The following SAMD4A variants were observed in gnomAD, a reference collection of about 807,000 sequenced individuals.
The protein encoded by SAMD4A is protein Smaug homolog 1.
Under a neutral mutation model 81.3 loss-of-function variants are expected in SAMD4A, and 33 were observed. The observed-to-expected ratio is 0.41, with a 90% confidence interval of 0.31 to 0.54. SAMD4A has a LOEUF of 0.54. SAMD4A is among the 20% of genes least tolerant of loss of function. The pLI is 0.37. For synonymous variants in SAMD4A, 389 were observed against 382.1 expected (o/e 1.02, Z -0.21); for missense variants, 854 against 951.1 (o/e 0.90, Z 1.34).
intron 2 of SAMD4A, among the ~76,000 whole-genome samples, chr14:54,606,967 G>C (rs896221098): frequency 2.0e-5 from 3 of 152,256 alleles, no homozygotes; most frequent in African/African-American, 7.2e-5. Flanking sequence ...GCAGGGTGCA[G>C]CCTGCCAGTG....
intron 9 of SAMD4A, among the ~76,000 whole-genome samples, chr14:54,771,645 A>G (rs2038708472): frequency 6.6e-6 from 1 of 152,104 alleles, no homozygotes; most frequent in Non-Finnish European, 1.5e-5. Context: ...CCTGGGGCCT[A>G]CCCCCATCCC....
intron 3 of SAMD4A, among the ~76,000 whole-genome samples, chr14:54,715,597 G>A (rs1957363): frequency 0.9 from 137,094 of 152,194 alleles, 61,905 homozygotes; most frequent in Admixed American, 0.94. Context: ...GGACAGGGTG[G>A]GGGAATTATT....
intron 8 of SAMD4A, among the ~76,000 whole-genome samples, chr14:54,765,710 C>T (rs780053652): frequency 7.9e-5 from 12 of 152,192 alleles, no homozygotes; most frequent in African/African-American, 1.7e-4. Flanking sequence ...CAGTAGGGTC[C>T]GGTGAAGGGA....
intron 2 of SAMD4A, among the ~76,000 whole-genome samples, chr14:54,666,799 A>G (rs1005012724): frequency 2.0e-5 from 3 of 152,168 alleles, no homozygotes; most frequent in Non-Finnish European, 4.4e-5. Context: ...CCATAAGCCT[A>G]TAGACACATA....
intron 2 of SAMD4A, among the ~76,000 whole-genome samples, chr14:54,606,705 T>C (rs1013650244): frequency 6.6e-6 from 1 of 152,206 alleles, no homozygotes; most frequent in Non-Finnish European, 1.5e-5. Context: ...TCCAATGAGA[T>C]TTAGTGACTC....
At position 54,758,761 on chromosome 14, in the gene SAMD4A, C is replaced by T. The variant is rs530856242; in HGVS notation, c.1177-1400C>T. 2.6e-5 allele frequency among the ~76,000 whole-genome samples: 4 copies of T among 152,100 alleles called. No individual in the cohort carries two copies. In the South Asian group the frequency reaches 8.3e-4, roughly 32 times the overall value. The stretch of plus-strand genomic sequence containing the variant: ...AGGAGAATTGCTTGAACCTAGGAGG[C>T]GGAGGTTGCAGTGGGCTGAGATCAT... On this transcript the variant is annotated intron_variant, in intron 6 of 12. Transcript: ENST00000554335.
At chr14:54,772,526 G>A (rs1295109984) in intron 9 of SAMD4A, among the ~76,000 whole-genome samples, 9 of 152,050 alleles carry the variant, frequency 5.9e-5, no homozygotes, top group Admixed American at 2.0e-4. Flanking sequence ...AAGAGTCCCT[G>A]GATCCCTCCT....
intron 2 of SAMD4A, 59 bp from the exon 3 acceptor site, chr14:54,702,003 T>G (rs1342934685): frequency 1.3e-6 from 2 of 1,537,472 alleles, no homozygotes; most frequent in Admixed American, 3.5e-5. Context: ...CTTTAGAGTA[T>G]CTGTTTAGAG....
chr14:54,770,907 G>A (rs911516382), intron 9 of SAMD4A, among the ~76,000 whole-genome samples: 1 of 152,104 alleles, frequency 6.6e-6, no homozygotes, highest in Non-Finnish European at 1.5e-5. Flanking sequence ...ACAATGATAG[G>A]GAATTGTTGG....
intron 2 of SAMD4A, among the ~76,000 whole-genome samples, chr14:54,669,607 C>T (rs2035833139): frequency 1.3e-5 from 2 of 152,126 alleles, no homozygotes; most frequent in South Asian, 2.1e-4. Flanking sequence ...CACAGGCGTG[C>T]ACCACTACGC....
At chr14:54,753,796 A>G (rs1166860703) in intron 6 of SAMD4A, among the ~76,000 whole-genome samples, 1 of 152,216 alleles carries the variant, frequency 6.6e-6, no homozygotes, top group Non-Finnish European at 1.5e-5. Context: ...AGTGAATTAC[A>G]AATTACAAGT....
At chr14:54,730,828 G>A (rs1006777391) in intron 3 of SAMD4A, among the ~76,000 whole-genome samples, 11 of 152,158 alleles carry the variant, frequency 7.2e-5, no homozygotes, top group African/African-American at 9.7e-5. Flanking sequence ...TATTCTTGAA[G>A]TACTATTAAT....
chr14:54,780,990 CTTCCT>C (rs1192316119), intron 11 of SAMD4A, among the ~76,000 whole-genome samples: 3 of 151,944 alleles, frequency 2.0e-5, no homozygotes, highest in African/African-American at 4.8e-5. Flanking sequence ...GTTCTCTTGT[CTTCCT>C]TTCTTCTTTA....
chr14:54,710,401 A>T (rs1230196382), intron 3 of SAMD4A, among the ~76,000 whole-genome samples: 1 of 152,130 alleles, frequency 6.6e-6, no homozygotes, highest in Non-Finnish European at 1.5e-5. Context: ...GATGGTGGGT[A>T]TTATTGTTAT....
intron 2 of SAMD4A, chr14:54,694,907 C>G (rs2036539704): frequency 1.3e-5 from 13 of 985,458 alleles, no homozygotes; most frequent in Non-Finnish European, 1.4e-5. Context: ...AAGAAATGAC[C>G]AGATCTCTAC....
intron 2 of SAMD4A, among the ~76,000 whole-genome samples, chr14:54,680,108 G>A (rs2036095354): frequency 6.6e-6 from 1 of 152,138 alleles, no homozygotes; most frequent in Non-Finnish European, 1.5e-5. Flanking sequence ...CCCTTGTTGT[G>A]TCTGTTGGAA....
intron 9 of SAMD4A, among the ~76,000 whole-genome samples, chr14:54,772,518 G>A (rs1383714843): frequency 6.6e-6 from 1 of 152,098 alleles, no homozygotes; most frequent in Non-Finnish European, 1.5e-5. Flanking sequence ...TGAGTCCTAA[G>A]AGTCCCTGGA....
chr14:54,702,548 C>A lies in SAMD4A; in HGVS notation c.683C>A (p.Thr228Lys). 6.2e-7 allele frequency: 1 copy of A among 1,614,150 alleles called. No individual in the cohort carries two copies. Among genetic ancestry groups the A allele is most frequent in the African/African-American group, 1.3e-5 (1 of 75,058 alleles). Reference sequence around the variant, plus strand: ...TACTCCTCCTCATCTGTCCCCACCACAATCAATACGATTGGAACCAGCACA... The same window carrying A: ...TACTCCTCCTCATCTGTCCCCACCAAAATCAATACGATTGGAACCAGCACA... ...PLYSSSSVPTTINTIGTSTST... is the reference protein window; with the variant it reads ...PLYSSSSVPTKINTIGTSTST... The change falls in exon 3 of 13, where the codon ACA (threonine) becomes AAA (lysine). Residue 228 changes from threonine (T) to lysine (K), a missense_variant. By Grantham distance (78) the Thr-to-Lys change is moderately conservative. This residue lies in a region of SAMD4A where 387 missense variants were observed against 405.8 expected (regional missense o/e 0.95). Coordinates refer to ENST00000554335, the MANE Select transcript of SAMD4A (RefSeq NM_015589.6).
At chr14:54,739,636 A>G (rs893338910) in intron 4 of SAMD4A, among the ~76,000 whole-genome samples, 3 of 152,226 alleles carry the variant, frequency 2.0e-5, no homozygotes, top group South Asian at 4.1e-4. Flanking sequence ...GTCCACACCC[A>G]AAAACACTAG....
Sources: allele counts gnomAD v4.1 joint callset (sites outside exome capture counted in the v4.1 genomes callset), GRCh38; gene constraint gnomAD v4.1.1; regional missense constraint gnomAD v4.1.1; transcripts MANE v1.5; gene names NCBI Gene and HGNC (gene_info 2026-07-23, HGNC 2026-07-21).